The following TRAT1 variants were observed in gnomAD, a reference collection of about 807,000 sequenced individuals.
TRAT1 encodes the protein T-cell receptor-associated transmembrane adapter 1.
In TRAT1, 20 loss-of-function variants were observed where a neutral mutation model predicts 20.0. That is an observed-to-expected ratio of 1.00 (90% confidence interval 0.70 to 1.45). The LOEUF (loss-of-function observed/expected upper bound fraction) is 1.45, where lower values mean the gene tolerates loss of function less well. Among genes scored for constraint, TRAT1 ranks in the 40% most tolerant of loss-of-function variants. TRAT1 has a pLI of 0.00. For missense variants in TRAT1, 237 were observed against 224.1 expected (o/e 1.06, Z -0.37); for synonymous variants, 77 against 74.2 (o/e 1.04, Z -0.20).
chr3:108,826,143 A>T (rs1327756082), intron 1 of TRAT1, among the ~76,000 whole-genome samples: 1 of 152,146 alleles, frequency 6.6e-6, no homozygotes, highest in Non-Finnish European at 1.5e-5. Context: ...GATTGAGGGG[A>T]ATCATGATGT....
Position 108,849,205 on chromosome 3 carries a change from G to C in TRAT1, c.254G>C (p.Arg85Pro). The stretch of plus-strand genomic sequence containing the variant: ...AATTGCTATGAACAAATGAAAGCCC[G>C]ACCAGAGAAATCTGTAAATAAGATG... Reference protein sequence around the residue: ...DENCYEQMKARPEKSVNKMQE... With the variant: ...DENCYEQMKAPPEKSVNKMQE... Residue 85 changes from arginine to proline, a missense_variant, in exon 5 of 6, where the codon CGA becomes CCA. By Grantham distance (103) the Arg-to-Pro change is moderately radical. Transcript: ENST00000295756. 2 of 1,614,008 alleles carry C rather than the reference G, an allele frequency of 1.2e-6. No homozygotes were observed. Among genetic ancestry groups the C allele is most frequent in the Non-Finnish European group, 8.5e-7 (1 of 1,179,952 alleles).
intron 2 of TRAT1, among the ~76,000 whole-genome samples, chr3:108,836,065 G>GCC (rs1945838287): frequency 1.3e-5 from 2 of 151,700 alleles, no homozygotes; most frequent in Admixed American, 6.6e-5. Context: ...GACTACAGGC[G>GCC]CATGCCACCA....
chr3:108,845,935 G>A (rs1201548849), intron 3 of TRAT1, among the ~76,000 whole-genome samples: 3 of 152,216 alleles, frequency 2.0e-5, no homozygotes, highest in Non-Finnish European at 2.9e-5. Context: ...AATCCTAATA[G>A]CATTACTCAC....
rs1049308153 is a variant in TRAT1, at chr3:108,854,214, A to G, written c.*337A>G. 7.1e-5 allele frequency: 13 copies of G among 184,270 alleles called. No homozygotes were observed. Among genetic ancestry groups the G allele is most frequent in the Admixed American group, 6.7e-4 (12 of 17,788 alleles). The allele number at this position is 184,270 out of a possible 1,614,324, so 11.4% of individuals were successfully genotyped here. ...TACAAATTCACAATACCTAATACTT[A>G]GGGAAATATAAAAATTTAAGCATGA... On this transcript the variant is annotated 3_prime_UTR_variant, in exon 6 of 6. Coordinates refer to ENST00000295756, the MANE Select transcript of TRAT1 (RefSeq NM_016388.4).
At chr3:108,838,178 C>T (rs574282370) in intron 2 of TRAT1, among the ~76,000 whole-genome samples, 110 of 152,262 alleles carry the variant, frequency 7.2e-4, no homozygotes, top group African/African-American at 2.6e-3. Context: ...TGTGTTCCAA[C>T]TTTTTCCAGG....
chr3:108,833,721 A>G (rs529721532), intron 2 of TRAT1, among the ~76,000 whole-genome samples: 3 of 152,186 alleles, frequency 2.0e-5, no homozygotes, highest in African/African-American at 7.2e-5. Flanking sequence ...TACAAGTAAC[A>G]TAATTTCTCT....
intron 2 of TRAT1, among the ~76,000 whole-genome samples, chr3:108,833,215 C>T (rs1185181512): frequency 6.6e-6 from 1 of 152,006 alleles, no homozygotes; most frequent in Non-Finnish European, 1.5e-5. Flanking sequence ...GTCAGGAGTT[C>T]GAGACCAGCC....
At chr3:108,844,152 T>G (rs1285299274) in intron 3 of TRAT1, among the ~76,000 whole-genome samples, 1 of 152,230 alleles carries the variant, frequency 6.6e-6, no homozygotes, top group Non-Finnish European at 1.5e-5. Context: ...TATTTCGTTT[T>G]GTAAAAAAGT....
chr3:108,854,565 A>C lies in TRAT1; in HGVS notation c.*688A>C, dbSNP rs563788262. 6.6e-6 allele frequency: 1 copy of C among 152,260 alleles called. No homozygotes were observed. The highest frequency in any genetic ancestry group is 2.1e-4 in the South Asian group (1 of 4,828). 9.4% of individuals were successfully genotyped at this position (152,260 alleles called of 1,614,324 possible). A position where few individuals can be genotyped will look rare whatever the true frequency, so the allele number is the denominator to read the frequency against. On this transcript the variant is annotated 3_prime_UTR_variant, in exon 6 of 6. Coordinates refer to ENST00000295756, the MANE Select transcript of TRAT1 (RefSeq NM_016388.4). ...TATCCTTCTAAATATTTTTCTGGGCATGCTTATGTATGTACATCAGTTGTT... is the reference window on the plus strand; with the variant it reads ...TATCCTTCTAAATATTTTTCTGGGCCTGCTTATGTATGTACATCAGTTGTT...
intron 2 of TRAT1, among the ~76,000 whole-genome samples, chr3:108,831,845 G>A (rs533662595): frequency 1.5e-4 from 23 of 152,158 alleles, no homozygotes; most frequent in African/African-American, 5.3e-4. Context: ...GCCCAGCCTG[G>A]AAGGTGTTTA....
At chr3:108,840,389 T>C (rs1945883378) in intron 3 of TRAT1, among the ~76,000 whole-genome samples, 1 of 152,148 alleles carries the variant, frequency 6.6e-6, no homozygotes, top group South Asian at 2.1e-4. Context: ...TGAAGGGCAA[T>C]TAAGATGCAA....
At chr3:108,853,235 CT>C (rs1056664738) in intron 5 of TRAT1, among the ~76,000 whole-genome samples, 2 of 152,142 alleles carry the variant, frequency 1.3e-5, no homozygotes, top group African/African-American at 4.8e-5. Context: ...TGGTAAACTC[CT>C]TCCTATCATG....
rs145458583 is a variant in TRAT1, at chr3:108,831,579, G to A, written c.118+799G>A. Among the ~76,000 whole-genome samples, 386 of 143,084 alleles carry A rather than the reference G, an allele frequency of 2.7e-3. 1 individual carries two copies. The highest frequency in any genetic ancestry group is 0.022 in the Middle Eastern group (6 of 272). The allele number at this position is 143,084 out of a possible 152,430, so 93.9% of individuals were successfully genotyped here. ...TTTTGAGACAGGATCTTGCTCTGTCGCCCAGGCTGGAATGCAGTGGCATGA... is the reference window on the plus strand; with the variant it reads ...TTTTGAGACAGGATCTTGCTCTGTCACCCAGGCTGGAATGCAGTGGCATGA... On this transcript the variant is annotated intron_variant, in intron 2 of 5. Coordinates refer to ENST00000295756, the MANE Select transcript of TRAT1 (RefSeq NM_016388.4).
intron 3 of TRAT1, among the ~76,000 whole-genome samples, chr3:108,845,514 A>G (rs1163562105): frequency 2.6e-5 from 4 of 152,314 alleles, no homozygotes; most frequent in African/African-American, 9.6e-5. Context: ...GGATGGAAAA[A>G]AGGTTACAGA....
Position 108,849,187 on chromosome 3 carries a change from A to G in TRAT1, c.236A>G (p.Tyr79Cys). Residue 79 changes from tyrosine (Y) to cysteine (C), a missense_variant, in exon 5 of 6, where the codon TAT (tyrosine) becomes TGT (cysteine). Coordinates refer to ENST00000295756, the MANE Select transcript of TRAT1 (RefSeq NM_016388.4). ...MISEPMDENCYEQMKARPEKS... is the reference protein window; with the variant it reads ...MISEPMDENCCEQMKARPEKS... The stretch of plus-strand genomic sequence containing the variant: ...CAAGAACCAATGGATGAAAATTGCT[A>G]TGAACAAATGAAAGCCCGACCAGAG... 6.2e-7 allele frequency: 1 copy of G among 1,612,638 alleles called. No homozygotes were observed. The highest frequency in any genetic ancestry group is 8.5e-7 in the Non-Finnish European group (1 of 1,179,372).
intron 3 of TRAT1, 113 bp from the exon 4 acceptor site, chr3:108,846,955 G>A: frequency 1.4e-6 from 1 of 739,174 alleles, no homozygotes; most frequent in Non-Finnish European, 2.3e-6. Context: ...GGTTGGCTGG[G>A]GGTAACCAAG....
intron 4 of TRAT1, chr3:108,847,457 G>A: frequency 4.5e-6 from 1 of 220,448 alleles, no homozygotes. Context: ...GACAGAAAGT[G>A]GTCCACAGAA....
chr3:108,847,276 G>C (rs960876113), intron 4 of TRAT1, 147 bp downstream of exon 4: 2 of 526,444 alleles, frequency 3.8e-6, no homozygotes, highest in Non-Finnish European at 6.7e-6. Flanking sequence ...TATTAATTAG[G>C]CTACATTTCC....
At chr3:108,834,914 T>C (rs1371926222) in intron 2 of TRAT1, among the ~76,000 whole-genome samples, 3 of 152,252 alleles carry the variant, frequency 2.0e-5, no homozygotes, top group African/African-American at 7.2e-5. Context: ...TCATTTTTTA[T>C]GTGATTCTTT....
Sources: allele counts gnomAD v4.1 joint callset (sites outside exome capture counted in the v4.1 genomes callset), GRCh38; gene constraint gnomAD v4.1.1; transcripts MANE v1.5; gene names NCBI Gene and HGNC (gene_info 2026-07-23, HGNC 2026-07-21).